Variants in SYNGR3 observed in about 807,000 individuals in gnomAD.
SYNGR3 encodes the protein synaptogyrin 3.
In SYNGR3, 10 loss-of-function variants were observed where a neutral mutation model predicts 18.5. The observed-to-expected ratio is 0.54, with a 90% CI of 0.33 to 0.92. The LOEUF (loss-of-function observed/expected upper bound fraction) is 0.92, where lower values mean the gene tolerates loss of function less well. SYNGR3 is among the 40% of genes least tolerant of loss of function. The pLI, the probability that SYNGR3 is intolerant of heterozygous loss-of-function variation, is 0.02. For synonymous variants in SYNGR3, 188 were observed against 157.2 expected (o/e 1.20, Z -1.47); for missense variants, 335 against 332.8 (o/e 1.01, Z -0.05).
chr16:1,993,778 G>A lies in SYNGR3; in HGVS notation c.*706G>A. 3 of 353,756 alleles carry A rather than the reference G, an allele frequency of 8.5e-6. No individual in the cohort carries two copies. The highest frequency in any genetic ancestry group is 6.3e-5 in the South Asian group (3 of 47,944). The allele number at this position is 353,756 out of a possible 1,614,324, so 21.9% of individuals were successfully genotyped here. A position where few individuals can be genotyped will look rare whatever the true frequency, so the allele number is the denominator to read the frequency against. On this transcript the variant is annotated 3_prime_UTR_variant, in exon 4 of 4. Coordinates refer to ENST00000248121, the MANE Select transcript of SYNGR3 (RefSeq NM_004209.6). ...CAGCCCTGTCCTAGCCCTTCAGTAA[G>A]ACCTTGCCAGGAGAGGAGAAGGATG...
At position 1,993,862 on chromosome 16, in the gene SYNGR3, G is replaced by T; in HGVS notation, c.*790G>T. ...GAGAGAGGCCCAGAGGCTCCAGCTG[G>T]CCACCGTGCCCCACAAGATGGCCCC... On this transcript the variant is annotated 3_prime_UTR_variant, in exon 4 of 4. Coordinates refer to ENST00000248121, the MANE Select transcript of SYNGR3 (RefSeq NM_004209.6). 3.1e-6 allele frequency: 1 copy of T among 320,538 alleles called. No individual in the cohort carries two copies. Among genetic ancestry groups the T allele is most frequent in the Non-Finnish European group, 6.2e-6 (1 of 161,180 alleles). The allele number at this position is 320,538 out of a possible 1,614,324, so 19.9% of individuals were successfully genotyped here. A position where few individuals can be genotyped will look rare whatever the true frequency, so the allele number is the denominator to read the frequency against.
At position 1,993,455 on chromosome 16, in the gene SYNGR3, A is replaced by G. The variant is rs756325755; in HGVS notation, c.*383A>G. ...GCCCAGGACAAAGCGGGGGCAGGGG[A>G]AAGACACCACCCTCGCCCCAAGACT... On this transcript the variant is annotated 3_prime_UTR_variant, in exon 4 of 4. Transcript: ENST00000248121. The G allele has an allele frequency of 2.0e-6, 1 of 504,346 alleles. No homozygotes were observed. The highest frequency in any genetic ancestry group is 1.5e-5 in the South Asian group (1 of 64,990). 31.2% of individuals were successfully genotyped at this position (504,346 alleles called of 1,614,324 possible). A position where few individuals can be genotyped will look rare whatever the true frequency, so the allele number is the denominator to read the frequency against.
At chr16:1,990,565 A>C (rs1367122474) in intron 1 of SYNGR3, 1 of 442,346 alleles carries the variant, frequency 2.3e-6, no homozygotes, top group African/African-American at 2.1e-5. Context: ...GAATTCTCCG[A>C]GGGGCAGGAG....
Position 1,990,093 on chromosome 16 carries a change from C to G in SYNGR3, c.-10C>G. ...AGGCGCCAGGGGCGCGCGTCCCGCC[C>G]GGGCCGGCCATGGAGGGCGCCTCCT... On this transcript the variant is annotated 5_prime_UTR_variant, in exon 1 of 4. Transcript: ENST00000248121. 1.7e-6 allele frequency: 2 copies of G among 1,194,288 alleles called. No homozygotes were observed. Among genetic ancestry groups the G allele is most frequent in the Non-Finnish European group, 2.1e-6 (2 of 961,274 alleles). 74.0% of individuals were successfully genotyped at this position (1,194,288 alleles called of 1,614,324 possible). A position where few individuals can be genotyped will look rare whatever the true frequency, so the allele number is the denominator to read the frequency against.
At position 1,993,654 on chromosome 16, in the gene SYNGR3, A is replaced by G; in HGVS notation, c.*582A>G. 2.2e-6 allele frequency: 1 copy of G among 449,304 alleles called. No individual in the cohort carries two copies. Among genetic ancestry groups the G allele is most frequent in the South Asian group, 1.6e-5 (1 of 63,754 alleles). The allele number at this position is 449,304 out of a possible 1,614,324, so 27.8% of individuals were successfully genotyped here. A position where few individuals can be genotyped will look rare whatever the true frequency, so the allele number is the denominator to read the frequency against. On this transcript the variant is annotated 3_prime_UTR_variant, in exon 4 of 4. Transcript: ENST00000248121. ...GTCCAGTCTTCGGGTTTCACCTCCT[A>G]GTACTCCACAAGCTGCTCCTCTCTC...
In SYNGR3 at chr16:1,993,380, C is replaced by T. The variant is rs1345211809; in HGVS notation, c.*308C>T. 9 of 601,130 alleles carry T rather than the reference C, an allele frequency of 1.5e-5. No homozygotes were observed. Among genetic ancestry groups the T allele is most frequent in the Non-Finnish European group, 2.8e-5 (9 of 319,930 alleles). The allele number at this position is 601,130 out of a possible 1,614,324, so 37.2% of individuals were successfully genotyped here. A position where few individuals can be genotyped will look rare whatever the true frequency, so the allele number is the denominator to read the frequency against. ...TTTCCCCTCTTGGGCCACACCTGCT[C>T]ACTCTGGGGTTGGGGGTCCAGCTGC... On this transcript the variant is annotated 3_prime_UTR_variant, in exon 4 of 4. Transcript: ENST00000248121.
chr16:1,991,921 G>A (rs1597066987), intron 1 of SYNGR3, 53 bp from the exon 2 acceptor site: 3 of 1,499,058 alleles, frequency 2.0e-6, no homozygotes, highest in South Asian at 1.2e-5. Flanking sequence ...CGCTCGAGGC[G>A]GGCTCGCAGA....
At chr16:1,990,937 C>T (rs1177158597) in intron 1 of SYNGR3, among the ~76,000 whole-genome samples, 1 of 152,254 alleles carries the variant, frequency 6.6e-6, no homozygotes, top group Non-Finnish European at 1.5e-5. Context: ...TGCGGAGTGG[C>T]TCTGACCAGA....
chr16:1,991,815 T>C, intron 1 of SYNGR3, 159 bp from the exon 2 acceptor site: 1 of 617,582 alleles, frequency 1.6e-6, no homozygotes, highest in South Asian at 2.1e-5. Flanking sequence ...TTGTCAATAA[T>C]TACTAAATAC....
chr16:1,990,583 C>T, intron 1 of SYNGR3: 1 of 425,638 alleles, frequency 2.3e-6, no homozygotes, highest in Non-Finnish European at 4.7e-6. Context: ...GAGGGGGCTA[C>T]GGGAACCGAG....
chr16:1,990,174 C>G lies in SYNGR3; in HGVS notation c.72C>G (p.Pro24=), dbSNP rs1363184659. ...ALDPVSFARR[P]QTLLRVASWV... ...ACCCCGTGAGCTTTGCGCGGCGGCC[C>G]CAGACCCTGCTCCGGGTCGCGTCCT... is the stretch of plus-strand genomic sequence containing the variant. The change falls in exon 1 of 4, where the codon CCC becomes CCG. Residue 24 remains proline, a synonymous_variant. Transcript: ENST00000248121. The G allele has an allele frequency of 1.6e-6, 2 of 1,277,008 alleles. No homozygotes were observed. The highest frequency in any genetic ancestry group is 2.0e-6 in the Non-Finnish European group (2 of 1,010,286). 79.1% of individuals were successfully genotyped at this position (1,277,008 alleles called of 1,614,324 possible).
chr16:1,990,881 T>G (rs2083600079), intron 1 of SYNGR3, among the ~76,000 whole-genome samples: 2 of 152,234 alleles, frequency 1.3e-5, no homozygotes, highest in South Asian at 4.1e-4. Flanking sequence ...GCGCCTGTCT[T>G]GGAGGAGGGC....
intron 1 of SYNGR3, chr16:1,990,682 G>A (rs1354809598): frequency 1.1e-5 from 3 of 283,822 alleles, no homozygotes; most frequent in Non-Finnish European, 2.2e-5. Context: ...TGTGAGTTGA[G>A]GGAGGAGAGG....
At chr16:1,990,523 C>G (rs1567337430) in intron 1 of SYNGR3, 1 of 486,454 alleles carries the variant, frequency 2.1e-6, no homozygotes, top group Non-Finnish European at 4.0e-6. Flanking sequence ...TTCCTGTTCT[C>G]GTGACCTGGA....
chr16:1,990,201 G>C lies in SYNGR3; in HGVS notation c.99G>C (p.Trp33Cys). ...AGACCCTGCTCCGGGTCGCGTCCTG[G>C]GTGAGTGGTCCCTGCCCGGGCCCCC... ...RPQTLLRVAS[W>C]VFSIAVFGPI... Residue 33 changes from tryptophan (W) to cysteine (C), a missense_variant and splice_region_variant, in exon 1 of 4, where the codon TGG becomes TGC. Coordinates refer to ENST00000248121, the MANE Select transcript of SYNGR3 (RefSeq NM_004209.6). The C allele has an allele frequency of 7.8e-7, 1 of 1,278,668 alleles. No homozygotes were observed. Among genetic ancestry groups the C allele is most frequent in the Non-Finnish European group, 9.9e-7 (1 of 1,011,030 alleles). 79.2% of individuals were successfully genotyped at this position (1,278,668 alleles called of 1,614,324 possible).
chr16:1,993,223 G>T lies in SYNGR3; in HGVS notation c.*151G>T. 2 of 968,208 alleles carry T rather than the reference G, an allele frequency of 2.1e-6. No individual in the cohort carries two copies. Among genetic ancestry groups the T allele is most frequent in the Admixed American group, 5.1e-5 (2 of 39,348 alleles). 60.0% of individuals were successfully genotyped at this position (968,208 alleles called of 1,614,324 possible). On this transcript the variant is annotated 3_prime_UTR_variant, in exon 4 of 4. Coordinates refer to ENST00000248121, the MANE Select transcript of SYNGR3 (RefSeq NM_004209.6). The stretch of plus-strand genomic sequence containing the variant: ...TCCGGGGCCAAGAGGGGGTGGACCC[G>T]CGTGTCTGGGCTGCCCCTGCCAAGT...
Position 1,990,389 on chromosome 16 carries a change from C to T in SYNGR3, c.99+188C>T, listed in dbSNP as rs2083596515. On this transcript the variant is annotated intron_variant, in intron 1 of 3. Transcript: ENST00000248121. ...ACGTCACCGGGCAGGGCGCGCCCACCTGCGGGCGGAGGAGGGGCCGGCGGC... is the reference window on the plus strand; with the variant it reads ...ACGTCACCGGGCAGGGCGCGCCCACTTGCGGGCGGAGGAGGGGCCGGCGGC... 6 of 412,238 alleles carry T rather than the reference C, an allele frequency of 1.5e-5. No homozygotes were observed. In the South Asian group the frequency reaches 1.5e-4, roughly 10 times the overall value. 25.5% of individuals were successfully genotyped at this position (412,238 alleles called of 1,614,324 possible). A position where few individuals can be genotyped will look rare whatever the true frequency, so the allele number is the denominator to read the frequency against.
At chr16:1,992,249 CGGGT>C in intron 2 of SYNGR3, 38 bp downstream of exon 2, 1 of 28,450 alleles carries the variant, frequency 3.5e-5, no homozygotes, top group Non-Finnish European at 6.0e-5. Context: ...GAGAGCCTTC[CGGGT>C]GGGCGGGGAG....
chr16:1,992,438 C>T, intron 2 of SYNGR3, 198 bp from the exon 3 acceptor site: 1 of 748,812 alleles, frequency 1.3e-6, no homozygotes, highest in Non-Finnish European at 1.9e-6. Flanking sequence ...CGGGTCTGGG[C>T]GGAGCCTGGG....
Sources: allele counts gnomAD v4.1 joint callset (sites outside exome capture counted in the v4.1 genomes callset), GRCh38; gene constraint gnomAD v4.1.1; transcripts MANE v1.5; gene names NCBI Gene and HGNC (gene_info 2026-07-23, HGNC 2026-07-21).